The following MAP6 variants were observed in gnomAD, a reference collection of about 807,000 sequenced individuals.
MAP6 encodes microtubule associated protein 6, also known as microtubule-associated protein 6.
Under a neutral mutation model 42.4 loss-of-function variants are expected in MAP6, and 26 were observed. That is an observed-to-expected ratio of 0.61 (90% confidence interval 0.45 to 0.85). The LOEUF is 0.85. MAP6 is among the 40% of genes least tolerant of loss of function. MAP6 has a pLI of 0.00. For synonymous variants in MAP6, 418 were observed against 443.8 expected (o/e 0.94, Z 0.73); for missense variants, 966 against 1,099.0 (o/e 0.88, Z 1.71).
chr11:75,623,919 G>A (rs991875681), intron 1 of MAP6, among the ~76,000 whole-genome samples: 7 of 152,076 alleles, frequency 4.6e-5, no homozygotes, highest in African/African-American at 1.4e-4. Context: ...GATGAAGCCC[G>A]GCTGCCCACA....
At chr11:75,636,503 G>A (rs1590791225) in intron 1 of MAP6, among the ~76,000 whole-genome samples, 1 of 152,120 alleles carries the variant, frequency 6.6e-6, no homozygotes, top group South Asian at 2.1e-4. Context: ...TGATGCTCTG[G>A]AAACTGTCCC....
At position 75,652,951 on chromosome 11, in the gene MAP6, G is replaced by A. The variant is rs569270139; in HGVS notation, c.905+14514C>T. Among the ~76,000 whole-genome samples, 231 of 152,178 alleles carry A rather than the reference G, an allele frequency of 1.5e-3. 2 individuals carry two copies. The Middle Eastern group carries it at 0.048, about 32-fold the overall frequency. The stretch of plus-strand genomic sequence containing the variant: ...GGGGCACAGTTCTGTTTATGGACAG[G>A]AACACTCCGACTGCCATCCCTACTC... On this transcript the variant is annotated intron_variant, in intron 1 of 3. Coordinates refer to ENST00000304771, the MANE Select transcript of MAP6 (RefSeq NM_033063.2).
intron 1 of MAP6, among the ~76,000 whole-genome samples, chr11:75,644,103 C>T (rs941192810): frequency 1.6e-4 from 25 of 152,116 alleles, no homozygotes; most frequent in African/African-American, 6.0e-4. Context: ...CTCGGGAGTG[C>T]TAAACATTGG....
chr11:75,644,040 A>G (rs1207549870), intron 1 of MAP6, among the ~76,000 whole-genome samples: 2 of 152,092 alleles, frequency 1.3e-5, no homozygotes, highest in Non-Finnish European at 2.9e-5. Context: ...CTTATTTTTC[A>G]TTTTTTGAGG....
At chr11:75,588,211 G>A (rs1438019092) in intron 3 of MAP6, 27 bp from the exon 4 acceptor site, 1 of 1,592,964 alleles carries the variant, frequency 6.3e-7, no homozygotes, top group South Asian at 1.1e-5. Flanking sequence ...GGTGATCACT[G>A]TGAGAGTAGA....
chr11:75,615,958 G>A (rs532668114), intron 1 of MAP6, among the ~76,000 whole-genome samples: 9 of 135,854 alleles, frequency 6.6e-5, no homozygotes, highest in Non-Finnish European at 1.4e-4. Context: ...TGCGCGGGGC[G>A]GCAGGGGGCG....
chr11:75,663,303 A>G (rs1943888771), intron 1 of MAP6, among the ~76,000 whole-genome samples: 1 of 152,156 alleles, frequency 6.6e-6, no homozygotes, highest in African/African-American at 2.4e-5. Context: ...AACTTGATTG[A>G]GGAAGACACA....
intron 1 of MAP6, among the ~76,000 whole-genome samples, chr11:75,614,573 C>T (rs1942963065): frequency 6.6e-6 from 1 of 152,196 alleles, no homozygotes; most frequent in Non-Finnish European, 1.5e-5. Flanking sequence ...TCGGGAGGAA[C>T]TGAGGCTTCC....
chr11:75,630,119 C>T (rs1943262475), intron 1 of MAP6, among the ~76,000 whole-genome samples: 1 of 152,222 alleles, frequency 6.6e-6, no homozygotes, highest in South Asian at 2.1e-4. Flanking sequence ...CCATTGTCTT[C>T]ATCGTGGTCT....
intron 1 of MAP6, among the ~76,000 whole-genome samples, chr11:75,633,339 T>G (rs1943314122): frequency 6.6e-6 from 1 of 152,222 alleles, no homozygotes; most frequent in Non-Finnish European, 1.5e-5. Context: ...ACGGATACTC[T>G]GGGCAAACTT....
intron 1 of MAP6, among the ~76,000 whole-genome samples, chr11:75,631,421 G>A (rs1009261318): frequency 2.0e-4 from 31 of 152,190 alleles, no homozygotes; most frequent in African/African-American, 7.2e-4. Context: ...ATGAAATACA[G>A]TAGACTTTTT....
intron 1 of MAP6, among the ~76,000 whole-genome samples, chr11:75,612,579 G>T (rs1942918361): frequency 6.6e-6 from 1 of 152,202 alleles, no homozygotes; most frequent in African/African-American, 2.4e-5. Context: ...GATCAGGGTG[G>T]CTGCTCAGGG....
chr11:75,606,508 G>A (rs1410918236), intron 2 of MAP6, among the ~76,000 whole-genome samples: 2 of 152,220 alleles, frequency 1.3e-5, no homozygotes, highest in Non-Finnish European at 2.9e-5. Context: ...GAGAGGCAAC[G>A]AGGGTTAGAG....
intron 1 of MAP6, among the ~76,000 whole-genome samples, chr11:75,621,997 T>C (rs1484007178): frequency 6.6e-6 from 1 of 151,582 alleles, no homozygotes; most frequent in Non-Finnish European, 1.5e-5. Context: ...CACTCCAGCA[T>C]GGGCCACAGA....
chr11:75,636,479 A>G (rs1943371616), intron 1 of MAP6, among the ~76,000 whole-genome samples: 1 of 152,206 alleles, frequency 6.6e-6, no homozygotes, highest in Non-Finnish European at 1.5e-5. Context: ...ATGTTTTGGC[A>G]TCTGGGGCCT....
rs528016635 is a variant in MAP6 at position 75,667,062 on chromosome 11, T to A, written c.905+403A>T. Among the ~76,000 whole-genome samples, 3 of 152,020 alleles carry A rather than the reference T, an allele frequency of 2.0e-5. No individual in the cohort carries two copies. Among genetic ancestry groups the A allele is most frequent in the Admixed American group, 1.3e-4 (2 of 15,280 alleles). ...GGGCGAGAGGCCACTTGGAAAGAAT[T>A]CTTCTTCTGGAAGAATGGGGACCCT... On this transcript the variant is annotated intron_variant, in intron 1 of 3. Coordinates refer to ENST00000304771, the MANE Select transcript of MAP6 (RefSeq NM_033063.2). This position sits in a 1 kb window ranked among gnomAD's most constrained non-coding sequence, Gnocchi z 5.6.
chr11:75,630,180 G>C (rs11236472), intron 1 of MAP6, among the ~76,000 whole-genome samples: 2,565 of 152,258 alleles, frequency 0.017, 77 homozygotes, highest in African/African-American at 0.059. Context: ...AGCCCAGTTA[G>C]AGAACCAGCA....
chr11:75,606,973 T>G (rs1444441016), intron 2 of MAP6, among the ~76,000 whole-genome samples: 1 of 152,220 alleles, frequency 6.6e-6, no homozygotes, highest in Non-Finnish European at 1.5e-5. Flanking sequence ...CGTCCTCTTT[T>G]GTCCAATGCT....
intron 3 of MAP6, among the ~76,000 whole-genome samples, chr11:75,595,625 C>T (rs981521385): frequency 1.3e-5 from 2 of 152,206 alleles, no homozygotes; most frequent in Non-Finnish European, 2.9e-5. Flanking sequence ...CACCCCTCGC[C>T]ATCCACTTAG....
Sources: gnomAD v4.1 joint callset for allele counts (sites outside exome capture counted in the v4.1 genomes callset) on GRCh38, gnomAD v4.1.1 for gene constraint, Gnocchi (gnomAD v3.1) non-coding constraint, MANE v1.5 for transcripts, NCBI Gene and HGNC (gene_info 2026-07-23, HGNC 2026-07-21) for gene names.